SLC9A2: variants seen among roughly 807,000 people sequenced by gnomAD.
SLC9A2 encodes solute carrier family 9 member A2.
A neutral mutation model predicts 71.7 loss-of-function variants in SLC9A2; 42 were observed. The ratio of observed to expected loss-of-function variants is 0.59; its 90% CI spans 0.46 to 0.76. SLC9A2 has a LOEUF of 0.76. Among genes scored for constraint, SLC9A2 ranks in the 30% least tolerant of loss-of-function variants. The pLI is 0.00. For missense variants in SLC9A2, 829 were observed against 1,017.4 expected (o/e 0.81, Z 2.52); for synonymous variants, 396 against 392.5 (o/e 1.01, Z -0.10).
intron 1 of SLC9A2, among the ~76,000 whole-genome samples, chr2:102,629,124 A>G (rs2104498629): frequency 6.6e-6 from 1 of 152,200 alleles, no homozygotes; most frequent in Middle Eastern, 3.4e-3. Flanking sequence ...TGGTTACTTT[A>G]TCAGTTCCTG....
chr2:102,688,059 C>T (rs1049793119), intron 5 of SLC9A2, among the ~76,000 whole-genome samples: 9 of 152,172 alleles, frequency 5.9e-5, no homozygotes, highest in Non-Finnish European at 8.8e-5. Flanking sequence ...GGATTACAAG[C>T]GCGAGCACCA....
chr2:102,661,171 T>C (rs1677043038), intron 2 of SLC9A2, among the ~76,000 whole-genome samples: 1 of 152,238 alleles, frequency 6.6e-6, no homozygotes, highest in Admixed American at 6.5e-5. Flanking sequence ...GCATGAAAAC[T>C]TTCCAAAATT....
chr2:102,691,345 T>C (rs1677658117), intron 5 of SLC9A2, among the ~76,000 whole-genome samples: 1 of 152,258 alleles, frequency 6.6e-6, no homozygotes, highest in South Asian at 2.1e-4. Flanking sequence ...CTAAGCCTTA[T>C]CGGGTTACTC....
intron 1 of SLC9A2, among the ~76,000 whole-genome samples, chr2:102,641,531 A>G (rs544030306): frequency 1.3e-5 from 2 of 151,664 alleles, no homozygotes; most frequent in African/African-American, 4.8e-5. Flanking sequence ...ACTCCTGTTC[A>G]CTTCTCAGGT....
At chr2:102,649,200 C>A (rs1474087483) in intron 1 of SLC9A2, among the ~76,000 whole-genome samples, 1 of 152,112 alleles carries the variant, frequency 6.6e-6, no homozygotes, top group African/African-American at 2.4e-5. Flanking sequence ...CTTCGACAAC[C>A]CTGACAAAAA....
chr2:102,662,889 G>A (rs1236285857), intron 2 of SLC9A2, among the ~76,000 whole-genome samples: 1 of 152,150 alleles, frequency 6.6e-6, no homozygotes, highest in Non-Finnish European at 1.5e-5. Flanking sequence ...AAGAAGAGAT[G>A]AGCCTCCTAG....
intron 1 of SLC9A2, among the ~76,000 whole-genome samples, chr2:102,652,781 T>C (rs1048456144): frequency 1.3e-5 from 2 of 152,162 alleles, no homozygotes; most frequent in African/African-American, 4.8e-5. Flanking sequence ...CTTTGCTTTT[T>C]TTCCCCCAAT....
At chr2:102,636,020 C>T (rs1471934129) in intron 1 of SLC9A2, among the ~76,000 whole-genome samples, 1 of 151,922 alleles carries the variant, frequency 6.6e-6, no homozygotes, top group East Asian at 1.9e-4. Context: ...AGACTCTAGT[C>T]CTCTGTTTTC....
intron 5 of SLC9A2, among the ~76,000 whole-genome samples, chr2:102,687,600 G>GA (rs1677571502): frequency 6.6e-6 from 1 of 151,990 alleles, no homozygotes. Context: ...CTTCCAACCT[G>GA]GTACTACTGA....
intron 1 of SLC9A2, among the ~76,000 whole-genome samples, chr2:102,656,827 G>T (rs1437918208): frequency 6.6e-6 from 1 of 152,132 alleles, no homozygotes; most frequent in Non-Finnish European, 1.5e-5. Context: ...GAAAATAACT[G>T]CCTTGCCTAC....
At chr2:102,645,606 A>C (rs1417761966) in intron 1 of SLC9A2, among the ~76,000 whole-genome samples, 1 of 152,040 alleles carries the variant, frequency 6.6e-6, no homozygotes, top group Non-Finnish European at 1.5e-5. Flanking sequence ...AGAAGAACAT[A>C]AATGACCTGA....
chr2:102,694,621 G>A, intron 6 of SLC9A2, 118 bp downstream of exon 6: 1 of 475,840 alleles, frequency 2.1e-6, no homozygotes, highest in South Asian at 5.8e-5. Context: ...AGGGTGAGAG[G>A]GAGGAGGGCC....
chr2:102,708,775 A>G lies in SLC9A2; in HGVS notation c.*286A>G, dbSNP rs2104560629. On this transcript the variant is annotated 3_prime_UTR_variant, in exon 12 of 12. Transcript: ENST00000233969. ...TGTGTGCCTTTATTGAACTTGAATG[A>G]CAGAACTTGAAATTTTTAACACATC... 3.0e-6 allele frequency: 1 copy of G among 329,182 alleles called. No individual in the cohort carries two copies. The highest frequency in any genetic ancestry group is 4.5e-5 in the Admixed American group (1 of 22,240). 20.4% of individuals were successfully genotyped at this position (329,182 alleles called of 1,614,324 possible).
intron 1 of SLC9A2, among the ~76,000 whole-genome samples, chr2:102,657,288 A>T (rs1040429597): frequency 2.6e-5 from 4 of 152,046 alleles, no homozygotes; most frequent in Non-Finnish European, 5.9e-5. Flanking sequence ...CTCAACGGGG[A>T]TTTAGAAAAA....
intron 5 of SLC9A2, among the ~76,000 whole-genome samples, chr2:102,693,782 G>A (rs1327689018): frequency 6.6e-6 from 1 of 152,172 alleles, no homozygotes; most frequent in African/African-American, 2.4e-5. Context: ...AGACTGCAAA[G>A]TCCTAGAACC....
chr2:102,692,419 T>A (rs1191682337), intron 5 of SLC9A2, among the ~76,000 whole-genome samples: 1 of 152,168 alleles, frequency 6.6e-6, no homozygotes, highest in Non-Finnish European at 1.5e-5. Context: ...GAGATGAAAG[T>A]CAAATGCATG....
At chr2:102,632,015 T>G (rs866533421) in intron 1 of SLC9A2, among the ~76,000 whole-genome samples, 2,664 of 122,978 alleles carry the variant, frequency 0.022, 147 homozygotes, top group Middle Eastern at 0.031. Flanking sequence ...TATATATATA[T>G]ATATATATAT....
intron 3 of SLC9A2, among the ~76,000 whole-genome samples, chr2:102,681,242 G>T (rs565359907): frequency 6.6e-6 from 1 of 152,260 alleles, no homozygotes; most frequent in South Asian, 2.1e-4. Flanking sequence ...CTTCCACAGT[G>T]CTGGCTTTGT....
chr2:102,695,030 T>C lies in SLC9A2; in HGVS notation c.1516-13T>C, dbSNP rs757156645. 9 of 1,612,482 alleles carry C rather than the reference T, an allele frequency of 5.6e-6. No homozygotes were observed. The Admixed American group carries it at 1.5e-4, about 27-fold the overall frequency. On this transcript the variant is annotated splice_polypyrimidine_tract_variant and intron_variant, in intron 6 of 11. Coordinates refer to ENST00000233969, the MANE Select transcript of SLC9A2 (RefSeq NM_003048.6). ...GTAAAGACTAATCAATTTGCCTGCT[T>C]TTTCTGTTTTAGTTGTTTGATCATG... is the stretch of plus-strand genomic sequence containing the variant.
Sources: allele counts gnomAD v4.1 joint callset (sites outside exome capture counted in the v4.1 genomes callset), GRCh38; gene constraint gnomAD v4.1.1; transcripts MANE v1.5; gene names NCBI Gene and HGNC (gene_info 2026-07-23, HGNC 2026-07-21).